Variants in CLK2 observed in about 807,000 individuals in gnomAD.
CLK2 encodes the protein CDC like kinase 2, also known as dual specificity protein kinase CLK2.
CLK2 carries 12 observed loss-of-function variants against 73.5 expected under a neutral mutation model. That is an observed-to-expected ratio of 0.16 (90% CI 0.10 to 0.26). CLK2 has a LOEUF of 0.26. Among genes scored for constraint, CLK2 ranks in the 10% least tolerant of loss-of-function variants. CLK2 has a pLI of 1.00. For synonymous variants in CLK2, 232 were observed against 237.9 expected, an observed-to-expected ratio of 0.98 and a Z score of 0.23; for missense variants, 509 against 688.4, an observed-to-expected ratio of 0.74 and a Z score of 2.92.
At position 155,269,481 on chromosome 1, in the gene CLK2, C is replaced by G. The variant is rs751708812; in HGVS notation, c.399+7G>C. On this transcript the variant is annotated splice_region_variant and intron_variant, in intron 3 of 12. Transcript: ENST00000368361. ...TGGGGAGAGGAAGGGCCTGGGCTGG[C>G]ACTCACCGAAGATGAGCGGCTAAAT... The G allele has an allele frequency of 1.9e-6, 3 of 1,612,746 alleles. No homozygotes were observed. In the African/African-American group the frequency reaches 4.0e-5, roughly 22 times the overall value.
Position 155,264,763 on chromosome 1 carries a change from C to G in CLK2, c.945G>C (p.Glu315Asp), listed in dbSNP as rs1038581662. 6.2e-7 allele frequency: 1 copy of G among 1,614,120 alleles called. No homozygotes were observed. The highest frequency in any genetic ancestry group is 8.5e-7 in the Non-Finnish European group (1 of 1,180,036). The change falls in exon 9 of 13, where the codon GAG becomes GAC. Residue 315 changes from glutamate (E) to aspartate (D), a missense_variant. By Grantham distance (45) the Glu-to-Asp change is conservative. Coordinates refer to ENST00000368361, the MANE Select transcript of CLK2 (RefSeq NM_001294338.2). ...LTYNLEKKRDERSVKSTAVRV... is the reference protein window; with the variant it reads ...LTYNLEKKRDDRSVKSTAVRV... Reference sequence around the variant, plus strand: ...GCACAGCTGTGCTCTTCACACTGCGCTCATCTCGCTTCTAGGAGCAGAGGA... The same window carrying G: ...GCACAGCTGTGCTCTTCACACTGCGGTCATCTCGCTTCTAGGAGCAGAGGA...
Position 155,263,138 on chromosome 1 carries a change from C to A in CLK2, c.*80G>T, listed in dbSNP as rs551749024. The A allele has an allele frequency of 2.5e-5, 35 of 1,395,782 alleles. No homozygotes were observed. In the South Asian group the frequency reaches 4.6e-4, roughly 18 times the overall value. 86.5% of individuals were successfully genotyped at this position (1,395,782 alleles called of 1,614,324 possible). On this transcript the variant is annotated 3_prime_UTR_variant, in exon 13 of 13. Coordinates refer to ENST00000368361, the MANE Select transcript of CLK2 (RefSeq NM_001294338.2). ...AGGAAGGAGTGAACTCTGGCTCGTT[C>A]TCTTGTATAAAAAAGCACCAGTGTC...
intron 12 of CLK2, 190 bp downstream of exon 12, chr1:155,263,760 G>A: frequency 1.0e-6 from 1 of 979,042 alleles, no homozygotes; most frequent in Non-Finnish European, 1.2e-6. Flanking sequence ...AGGTTAGGCT[G>A]TCTAACCTCC....
At chr1:155,272,814 T>C (rs977821596) in intron 1 of CLK2, among the ~76,000 whole-genome samples, 3 of 152,202 alleles carry the variant, frequency 2.0e-5, no homozygotes, top group African/African-American at 7.2e-5. Flanking sequence ...TTTTGCTTTT[T>C]CCTTTCTTAC....
chr1:155,269,647 G>T lies in CLK2; in HGVS notation c.240C>A (p.Asn80Lys). The T allele has an allele frequency of 6.2e-7, 1 of 1,614,174 alleles. No individual in the cohort carries two copies. Among genetic ancestry groups the T allele is most frequent in the Non-Finnish European group, 8.5e-7 (1 of 1,180,030 alleles). The change falls in exon 3 of 13, where the codon AAC becomes AAA. Residue 80 changes from asparagine to lysine, a missense_variant. Physicochemically the swap from Asn to Lys is moderately conservative, Grantham distance 94 (BLOSUM62 0). Coordinates refer to ENST00000368361, the MANE Select transcript of CLK2 (RefSeq NM_001294338.2). ...DRRYCGSYRR[N>K]DYSRDRGDAY... is the part of the protein sequence containing the mutation. ...CATCTCCCCGATCCCGGCTATAATC[G>T]TTGCGTCTGTAGCTGCCACAGTATC...
chr1:155,271,823 T>A (rs1406150158), intron 1 of CLK2, among the ~76,000 whole-genome samples: 2 of 152,178 alleles, frequency 1.3e-5, no homozygotes, highest in East Asian at 1.9e-4. Flanking sequence ...TTTCTACATA[T>A]ACCAGGTAAA....
At chr1:155,267,413 G>A (rs4971070) in intron 6 of CLK2, among the ~76,000 whole-genome samples, 5,247 of 152,166 alleles carry the variant, frequency 0.034, 120 homozygotes, top group Non-Finnish European at 0.047. Flanking sequence ...ATCTTCCTGC[G>A]TCATTTTAAA....
At position 155,266,033 on chromosome 1, in the gene CLK2, C is replaced by CTGA. The variant is rs1673216238; in HGVS notation, c.839-80_839-79insTCA. 4.2e-6 allele frequency: 4 copies of CTGA among 946,536 alleles called. No individual in the cohort carries two copies. The Admixed American group carries it at 6.8e-5, about 16-fold the overall frequency. The allele number at this position is 946,536 out of a possible 1,614,324, so 58.6% of individuals were successfully genotyped here. On this transcript the variant is annotated intron_variant, in intron 7 of 12. Coordinates refer to ENST00000368361, the MANE Select transcript of CLK2 (RefSeq NM_001294338.2). ...TATCAGCTGACCCCAGGCCTGGTTACCTAGGGCAAAGCCAGTGAGGAGACA... is the reference window on the plus strand; with the variant it reads ...TATCAGCTGACCCCAGGCCTGGTTACTGACTAGGGCAAAGCCAGTGAGGAGACA...
intron 8 of CLK2, 44 bp from the exon 9 acceptor site, chr1:155,264,818 G>A (rs1673151086): frequency 6.2e-7 from 1 of 1,607,292 alleles, no homozygotes; most frequent in African/African-American, 1.3e-5. Context: ...CACCCAGACT[G>A]AGATTCCACC....
At chr1:155,270,387 A>AT (rs1273973012) in intron 2 of CLK2, among the ~76,000 whole-genome samples, 1 of 152,076 alleles carries the variant, frequency 6.6e-6, no homozygotes, top group Non-Finnish European at 1.5e-5. Flanking sequence ...TAAATAAATG[A>AT]TATTTTAAAA....
In CLK2 at chr1:155,268,865, T is replaced by TGGGGGGGCGGGGGGGTGGGGGGGGGGGG; in HGVS notation, c.400-71_400-70insCCCCCCCCCCCCACCCCCCCGCCCCCCC. ...GGGGGCCGGAGGGAGGCGGGGTGGGTGGTAGAGGGGTCACCGGTCACAGGC... is the reference window on the plus strand; with the variant it reads ...GGGGGCCGGAGGGAGGCGGGGTGGGTGGGGGGGCGGGGGGGTGGGGGGGGGGGGGGTAGAGGGGTCACCGGTCACAGGC... On this transcript the variant is annotated intron_variant, in intron 3 of 12. Transcript: ENST00000368361. The surrounding 1 kb of genome is among the most constrained non-coding windows in gnomAD (Gnocchi z 5.6). The TGGGGGGGCGGGGGGGTGGGGGGGGGGGG allele has an allele frequency of 2.1e-6, 1 of 479,250 alleles. No individual in the cohort carries two copies. The highest frequency in any genetic ancestry group is 3.5e-6 in the Non-Finnish European group (1 of 284,760). 29.7% of individuals were successfully genotyped at this position (479,250 alleles called of 1,614,324 possible). A position where few individuals can be genotyped will look rare whatever the true frequency, so the allele number is the denominator to read the frequency against.
rs1038536692 is a variant in CLK2 at position 155,268,905 on chromosome 1, G to A, written c.400-110C>T. 1 of 695,294 alleles carries A rather than the reference G, an allele frequency of 1.4e-6. No individual in the cohort carries two copies. The highest frequency in any genetic ancestry group is 2.0e-5 in the Admixed American group (1 of 49,154). 43.1% of individuals were successfully genotyped at this position (695,294 alleles called of 1,614,324 possible). ...CGGTCACAGGCGCCCAGCCAGGGGG[G>A]ACAGACGATGATGGGGGACAGTGGA... On this transcript the variant is annotated intron_variant, in intron 3 of 12. Coordinates refer to ENST00000368361, the MANE Select transcript of CLK2 (RefSeq NM_001294338.2). The surrounding 1 kb of genome is among the most constrained non-coding windows in gnomAD (Gnocchi z 5.6).
At chr1:155,269,199 C>T in intron 3 of CLK2, 1 of 586,192 alleles carries the variant, frequency 1.7e-6, no homozygotes, top group South Asian at 2.1e-5. Context: ...AAGCAAGGTC[C>T]CCATTAAAGA....
rs1344643768 is a variant in CLK2 at position 155,262,954 on chromosome 1, C to T, written c.*264G>A. On this transcript the variant is annotated 3_prime_UTR_variant, in exon 13 of 13. Coordinates refer to ENST00000368361, the MANE Select transcript of CLK2 (RefSeq NM_001294338.2). Reference sequence around the variant, plus strand: ...CATGGGGTAGATGCCACCTGGTTACCTCACTCGGCCCCCATCCAACTCCGT... The same window carrying T: ...CATGGGGTAGATGCCACCTGGTTACTTCACTCGGCCCCCATCCAACTCCGT... 5.0e-6 allele frequency: 2 copies of T among 398,320 alleles called. No individual in the cohort carries two copies. The highest frequency in any genetic ancestry group is 8.2e-5 in the Admixed American group (2 of 24,342). The allele number at this position is 398,320 out of a possible 1,614,324, so 24.7% of individuals were successfully genotyped here. A position where few individuals can be genotyped will look rare whatever the true frequency, so the allele number is the denominator to read the frequency against.
Position 155,263,119 on chromosome 1 carries a change from G to A in CLK2, c.*99C>T, listed in dbSNP as rs1161741271. On this transcript the variant is annotated 3_prime_UTR_variant, in exon 13 of 13. Coordinates refer to ENST00000368361, the MANE Select transcript of CLK2 (RefSeq NM_001294338.2). ...AGGTATATAGAGAGCCAGGAGGAAG[G>A]AGTGAACTCTGGCTCGTTCTCTTGT... The A allele has an allele frequency of 4.4e-6, 5 of 1,141,468 alleles. No homozygotes were observed. Among genetic ancestry groups the A allele is most frequent in the South Asian group, 3.2e-5 (2 of 63,268 alleles). 70.7% of individuals were successfully genotyped at this position (1,141,468 alleles called of 1,614,324 possible).
intron 11 of CLK2, 35 bp from the exon 12 acceptor site, chr1:155,264,075 T>TCACC: frequency 6.3e-7 from 1 of 1,586,410 alleles, no homozygotes; most frequent in Non-Finnish European, 8.7e-7. Flanking sequence ...AATCAGAAGG[T>TCACC]CACCCTTGTT....
At chr1:155,266,603 A>G (rs1673244123) in intron 7 of CLK2, 126 bp downstream of exon 7, 2 of 1,006,248 alleles carry the variant, frequency 2.0e-6, no homozygotes. Context: ...TCAAGATGAC[A>G]GTAAATCAAA....
chr1:155,269,077 A>T, intron 3 of CLK2: 4 of 539,080 alleles, frequency 7.4e-6, no homozygotes, highest in East Asian at 3.1e-5. Context: ...CCACAACCCC[A>T]TGCTCTACAC....
rs145319745 is a variant in CLK2, at chr1:155,264,895, C to T, written c.934-121G>A. 2.7e-4 allele frequency: 331 copies of T among 1,238,056 alleles called. 1 individual carries two copies. In the African/African-American group the frequency reaches 4.2e-3, roughly 16 times the overall value. The allele number at this position is 1,238,056 out of a possible 1,614,324, so 76.7% of individuals were successfully genotyped here. A position where few individuals can be genotyped will look rare whatever the true frequency, so the allele number is the denominator to read the frequency against. The stretch of plus-strand genomic sequence containing the variant: ...TGATCTCCTGCCTGGCCTTACAAGC[C>T]CTGGGAAATTCCTGTTTTACAGCTT... On this transcript the variant is annotated intron_variant, in intron 8 of 12. Coordinates refer to ENST00000368361, the MANE Select transcript of CLK2 (RefSeq NM_001294338.2).
Sources: allele counts gnomAD v4.1 joint callset (sites outside exome capture counted in the v4.1 genomes callset), GRCh38; gene constraint gnomAD v4.1.1; non-coding constraint Gnocchi (gnomAD v3.1); transcripts MANE v1.5; gene names NCBI Gene and HGNC (gene_info 2026-07-23, HGNC 2026-07-21).